The following SHISAL2B variants were observed in gnomAD, a reference collection of about 807,000 sequenced individuals.
The protein encoded by SHISAL2B is protein shisa-like-2B.
In SHISAL2B, 12 loss-of-function variants were observed where a neutral mutation model predicts 16.5. The ratio of observed to expected loss-of-function variants is 0.73; its 90% CI spans 0.47 to 1.18. The LOEUF (loss-of-function observed/expected upper bound fraction) is 1.18. Among genes scored for constraint, SHISAL2B ranks in the 50% most tolerant of loss-of-function variants. SHISAL2B has a pLI of 0.00. For synonymous variants in SHISAL2B, 72 were observed against 75.0 expected, an observed-to-expected ratio of 0.96 and a Z score of 0.21; for missense variants, 183 against 193.6, an observed-to-expected ratio of 0.95 and a Z score of 0.33.
chr5:64,717,812 T>A (rs1194363213), intron 2 of SHISAL2B, 77 bp from the exon 3 acceptor site: 1 of 1,303,688 alleles, frequency 7.7e-7, no homozygotes, highest in African/African-American at 1.5e-5. Flanking sequence ...GCTACAAAAA[T>A]TATTTTTAAG....
At chr5:64,707,848 T>C (rs1422414651) in intron 2 of SHISAL2B, among the ~76,000 whole-genome samples, 1 of 152,232 alleles carries the variant, frequency 6.6e-6, no homozygotes, top group Non-Finnish European at 1.5e-5. Flanking sequence ...ACTCTGGTCC[T>C]GTTTGATATT....
At chr5:64,704,379 A>T (rs1208068275) in intron 2 of SHISAL2B, among the ~76,000 whole-genome samples, 3 of 152,274 alleles carry the variant, frequency 2.0e-5, no homozygotes, top group Non-Finnish European at 1.5e-5. Context: ...GATAGGTAGA[A>T]AGATTTCATT....
chr5:64,712,611 G>A lies in SHISAL2B; in HGVS notation c.350-5278G>A, dbSNP rs1195806846. 1.3e-3 allele frequency among the ~76,000 whole-genome samples: 191 copies of A among 151,152 alleles called. 1 individual carries two copies. Among genetic ancestry groups the A allele is most frequent in the African/African-American group, 4.2e-3 (173 of 41,198 alleles). ...GGTATCCTTGTTGACTTTCTGTCTC[G>A]TTGATCTGTCTAATGTTGACAGTGG... On this transcript the variant is annotated intron_variant, in intron 2 of 2. Coordinates refer to ENST00000389074, the MANE Select transcript of SHISAL2B (RefSeq NM_001164442.2).
chr5:64,696,652 C>T (rs186152631), intron 2 of SHISAL2B, among the ~76,000 whole-genome samples: 40 of 152,202 alleles, frequency 2.6e-4, no homozygotes, highest in South Asian at 2.5e-3. Context: ...GACTGAAATA[C>T]GCCCTGGTCT....
chr5:64,707,443 AG>A (rs1037941630), intron 2 of SHISAL2B, among the ~76,000 whole-genome samples: 20 of 152,122 alleles, frequency 1.3e-4, no homozygotes, highest in African/African-American at 4.6e-4. Context: ...GTATGAGGCC[AG>A]TTTTCCCCAA....
intron 2 of SHISAL2B, among the ~76,000 whole-genome samples, chr5:64,699,269 T>A (rs561852904): frequency 6.6e-6 from 1 of 152,338 alleles, no homozygotes; most frequent in Non-Finnish European, 1.5e-5. Flanking sequence ...AATGAGGTGA[T>A]TTTGGTCTCT....
At position 64,690,551 on chromosome 5, in the gene SHISAL2B, C is replaced by G. The variant is rs1474880269; in HGVS notation, c.-73C>G. 7.0e-6 allele frequency: 9 copies of G among 1,281,370 alleles called. No homozygotes were observed. Among genetic ancestry groups the G allele is most frequent in the South Asian group, 1.8e-5 (1 of 56,750 alleles). 79.4% of individuals were successfully genotyped at this position (1,281,370 alleles called of 1,614,324 possible). A position where few individuals can be genotyped will look rare whatever the true frequency, so the allele number is the denominator to read the frequency against. On this transcript the variant is annotated 5_prime_UTR_variant, in exon 1 of 3. Coordinates refer to ENST00000389074, the MANE Select transcript of SHISAL2B (RefSeq NM_001164442.2). ...GTCCGGGCAGAGGGGTCCGCGGGCT[C>G]TGGAGGTGCTGGACGGGTGCGATCC... is the stretch of plus-strand genomic sequence containing the variant.
At chr5:64,714,417 GC>G (rs1742006097) in intron 2 of SHISAL2B, among the ~76,000 whole-genome samples, 2 of 149,074 alleles carry the variant, frequency 1.3e-5, no homozygotes, top group Non-Finnish European at 2.9e-5. Context: ...CCAGCTGCGT[GC>G]TGGGAGAACC....
intron 1 of SHISAL2B, 52 bp downstream of exon 1, chr5:64,690,866 G>A: frequency 7.0e-7 from 1 of 1,424,476 alleles, no homozygotes; most frequent in Non-Finnish European, 9.2e-7. Context: ...GGGCTAGGGA[G>A]GCGACAAGCG....
At chr5:64,691,524 T>C (rs1741651163) in intron 1 of SHISAL2B, 1 of 152,000 alleles carries the variant, frequency 6.6e-6, no homozygotes, top group Non-Finnish European at 1.5e-5. Flanking sequence ...GCTATGATTA[T>C]ACACACACTC....
chr5:64,693,200 G>T (rs1262422640), intron 1 of SHISAL2B, among the ~76,000 whole-genome samples: 1 of 151,874 alleles, frequency 6.6e-6, no homozygotes, highest in Non-Finnish European at 1.5e-5. Flanking sequence ...GTAGAGACGG[G>T]GTTTCACCAT....
chr5:64,708,112 A>G (rs1741899576), intron 2 of SHISAL2B, among the ~76,000 whole-genome samples: 1 of 152,198 alleles, frequency 6.6e-6, no homozygotes, highest in Non-Finnish European at 1.5e-5. Context: ...TATTAATAAC[A>G]TACACTAAGT....
chr5:64,702,085 T>A (rs573532908), intron 2 of SHISAL2B, among the ~76,000 whole-genome samples: 3 of 152,284 alleles, frequency 2.0e-5, no homozygotes, highest in African/African-American at 4.8e-5. Flanking sequence ...CACCAAAAGA[T>A]ATAAAGATAA....
intron 2 of SHISAL2B, among the ~76,000 whole-genome samples, chr5:64,705,420 C>G (rs961378300): frequency 3.3e-5 from 5 of 152,050 alleles, no homozygotes; most frequent in African/African-American, 1.2e-4. Flanking sequence ...GATTAAACTA[C>G]TATGAATTTA....
chr5:64,717,266 T>C (rs1413324668), intron 2 of SHISAL2B, among the ~76,000 whole-genome samples: 1 of 152,232 alleles, frequency 6.6e-6, no homozygotes, highest in African/African-American at 2.4e-5. Context: ...TACGTATTTA[T>C]GTTATTTTCT....
intron 2 of SHISAL2B, among the ~76,000 whole-genome samples, chr5:64,700,159 G>A (rs1169677259): frequency 6.6e-6 from 1 of 152,178 alleles, no homozygotes; most frequent in Non-Finnish European, 1.5e-5. Context: ...TCTACACTCT[G>A]AGGGTGAGGG....
intron 2 of SHISAL2B, among the ~76,000 whole-genome samples, chr5:64,697,456 A>G (rs1741755217): frequency 6.6e-6 from 1 of 152,228 alleles, no homozygotes; most frequent in Non-Finnish European, 1.5e-5. Context: ...ACTAGGTCCT[A>G]TTATTTCTCA....
intron 2 of SHISAL2B, among the ~76,000 whole-genome samples, chr5:64,697,481 T>C (rs1011736275): frequency 6.6e-6 from 1 of 152,208 alleles, no homozygotes. Flanking sequence ...TCAAGTGTTA[T>C]ACAAATGCTA....
chr5:64,717,838 G>A, intron 2 of SHISAL2B, 51 bp from the exon 3 acceptor site: 1 of 1,458,618 alleles, frequency 6.9e-7, no homozygotes, highest in Non-Finnish European at 9.0e-7. Context: ...ATTTTTATAA[G>A]TGAAACGATG....
Sources: allele counts gnomAD v4.1 joint callset (sites outside exome capture counted in the v4.1 genomes callset), GRCh38; gene constraint gnomAD v4.1.1; transcripts MANE v1.5; gene names NCBI Gene and HGNC (gene_info 2026-07-23, HGNC 2026-07-21).